GPC6: variants seen among roughly 807,000 people sequenced by gnomAD.
GPC6 encodes the protein glypican 6.
Under a neutral mutation model 55.2 loss-of-function variants are expected in GPC6, and 14 were observed. That is an observed-to-expected ratio of 0.25 (90% CI 0.17 to 0.40). The LOEUF is 0.40. GPC6 is among the 10% of genes least tolerant of loss of function. The probability of loss-of-function intolerance (pLI) is 1.00; values close to 1 mark genes in which losing one functional copy is unlikely to be tolerated. For missense variants in GPC6, 641 were observed against 708.5 expected, an observed-to-expected ratio of 0.90 and a Z score of 1.08; for synonymous variants, 278 against 259.6, an observed-to-expected ratio of 1.07 and a Z score of -0.68.
At chr13:93,767,201 C>T (rs1056426651) in intron 2 of GPC6, among the ~76,000 whole-genome samples, 7 of 152,006 alleles carry the variant, frequency 4.6e-5, no homozygotes, top group East Asian at 1.9e-4. Flanking sequence ...TAGATAATTT[C>T]GGCTGCTTAT....
intron 4 of GPC6, among the ~76,000 whole-genome samples, chr13:94,077,887 G>A (rs1884970895): frequency 6.6e-6 from 1 of 151,734 alleles, no homozygotes; most frequent in African/African-American, 2.4e-5. Context: ...TTTCACTGAG[G>A]ATTTTTATCA....
intron 2 of GPC6, among the ~76,000 whole-genome samples, chr13:93,760,270 T>C (rs1378924939): frequency 1.3e-5 from 2 of 152,122 alleles, no homozygotes; most frequent in Non-Finnish European, 2.9e-5. Context: ...GCCCTTTCTC[T>C]TGACCACCAT....
At chr13:93,316,672 A>C (rs9561308) in intron 1 of GPC6, among the ~76,000 whole-genome samples, 2 of 151,884 alleles carry the variant, frequency 1.3e-5, no homozygotes, top group Admixed American at 1.3e-4. Context: ...CCCTTATTAC[A>C]TGCTAACACC....
Position 94,367,036 on chromosome 13 carries a change from G to A in GPC6, c.1153-15378G>A, listed in dbSNP as rs17175287. On this transcript the variant is annotated intron_variant, in intron 6 of 8. Coordinates refer to ENST00000377047, the MANE Select transcript of GPC6 (RefSeq NM_005708.5). ...TAAAGACCCAGAACTGCCTAGCGAG[G>A]GGAGATGACTTGGCTTAGGTCAAAG... Among the ~76,000 whole-genome samples, 307 of 152,262 alleles carry A rather than the reference G, an allele frequency of 2.0e-3. 6 individuals are homozygous for A. The East Asian group carries it at 0.024, about 12-fold the overall frequency.
chr13:93,598,502 A>G (rs1020487189), intron 2 of GPC6, among the ~76,000 whole-genome samples: 2 of 152,184 alleles, frequency 1.3e-5, no homozygotes, highest in African/African-American at 4.8e-5. Flanking sequence ...TTTCACGTAC[A>G]TTGTCACATT....
At chr13:94,202,701 C>T (rs1474677228) in intron 4 of GPC6, among the ~76,000 whole-genome samples, 1 of 152,084 alleles carries the variant, frequency 6.6e-6, no homozygotes, top group Admixed American at 6.6e-5. Flanking sequence ...ATGCTAGAAC[C>T]TTGAGAAATG....
At chr13:93,585,798 G>T (rs1000411067) in intron 2 of GPC6, among the ~76,000 whole-genome samples, 1 of 152,084 alleles carries the variant, frequency 6.6e-6, no homozygotes, top group African/African-American at 2.4e-5. Flanking sequence ...TGCACACTAG[G>T]CCTAAACTGC....
At chr13:94,178,886 T>C (rs1391055949) in intron 4 of GPC6, among the ~76,000 whole-genome samples, 2 of 152,168 alleles carry the variant, frequency 1.3e-5, no homozygotes, top group African/African-American at 2.4e-5. Context: ...CCTCCTGCCT[T>C]GTTAGGAGGT....
chr13:93,314,637 A>G (rs1879180012), intron 1 of GPC6, among the ~76,000 whole-genome samples: 1 of 152,118 alleles, frequency 6.6e-6, no homozygotes, highest in Non-Finnish European at 1.5e-5. Flanking sequence ...TTGCATGAGC[A>G]TAACTGCAGC....
intron 1 of GPC6, among the ~76,000 whole-genome samples, chr13:93,312,875 A>G (rs1879121561): frequency 6.6e-6 from 1 of 152,146 alleles, no homozygotes; most frequent in African/African-American, 2.4e-5. Context: ...TTTTAATGAT[A>G]TTCTATTTGG....
chr13:93,643,126 T>A (rs1460827426), intron 2 of GPC6, among the ~76,000 whole-genome samples: 1 of 152,146 alleles, frequency 6.6e-6, no homozygotes, highest in African/African-American at 2.4e-5. Flanking sequence ...TTTTGGCTTG[T>A]GTAAGTTATT....
chr13:93,885,326 A>G (rs1462779809), intron 3 of GPC6, among the ~76,000 whole-genome samples: 2 of 149,884 alleles, frequency 1.3e-5, no homozygotes, highest in Non-Finnish European at 3.0e-5. Flanking sequence ...TTGATCATGC[A>G]TTATTTTTGC....
chr13:94,100,516 T>G (rs1397477853), intron 4 of GPC6, among the ~76,000 whole-genome samples: 1 of 152,222 alleles, frequency 6.6e-6, no homozygotes, highest in Non-Finnish European at 1.5e-5. Context: ...GGCTTTTTAA[T>G]AGTATCAGCC....
At chr13:94,256,737 G>C (rs775250016) in intron 4 of GPC6, among the ~76,000 whole-genome samples, 2 of 152,050 alleles carry the variant, frequency 1.3e-5, no homozygotes, top group Non-Finnish European at 2.9e-5. Flanking sequence ...GACCTGGCAG[G>C]GCTGTGCAAT....
chr13:94,031,296 T>A (rs1476312386), intron 4 of GPC6, among the ~76,000 whole-genome samples: 2 of 152,192 alleles, frequency 1.3e-5, no homozygotes, highest in Admixed American at 6.5e-5. Context: ...TTTGAAAACT[T>A]CCTTACAACA....
At chr13:93,273,282 T>A (rs1877605158) in intron 1 of GPC6, among the ~76,000 whole-genome samples, 1 of 152,206 alleles carries the variant, frequency 6.6e-6, no homozygotes, top group East Asian at 1.9e-4. Flanking sequence ...ATTGAACACA[T>A]AATCCATTAG....
intron 7 of GPC6, among the ~76,000 whole-genome samples, chr13:94,388,701 C>T (rs1880519716): frequency 6.6e-6 from 1 of 152,216 alleles, no homozygotes; most frequent in Admixed American, 6.5e-5. Context: ...ATTGGGTTCT[C>T]TTCCTGGCTT....
intron 1 of GPC6, among the ~76,000 whole-genome samples, chr13:93,429,747 G>A (rs1877285364): frequency 6.6e-6 from 1 of 152,032 alleles, no homozygotes; most frequent in African/African-American, 2.4e-5. Context: ...ATTAGTGTAA[G>A]CTTGTGTTGG....
At chr13:94,129,277 G>T (rs1886931297) in intron 4 of GPC6, among the ~76,000 whole-genome samples, 1 of 152,012 alleles carries the variant, frequency 6.6e-6, no homozygotes, top group Non-Finnish European at 1.5e-5. Flanking sequence ...GACAACTACT[G>T]CCTGCTCTCA....
Sources: gnomAD v4.1 joint callset for allele counts (sites outside exome capture counted in the v4.1 genomes callset) on GRCh38, gnomAD v4.1.1 for gene constraint, MANE v1.5 for transcripts, NCBI Gene and HGNC (gene_info 2026-07-23, HGNC 2026-07-21) for gene names.